Variants in TAPBP observed in about 807,000 individuals in gnomAD.
TAPBP encodes TAP binding protein, also known as tapasin.
Under a neutral mutation model 45.7 loss-of-function variants are expected in TAPBP, and 38 were observed. The ratio of observed to expected loss-of-function variants is 0.83; its 90% confidence interval spans 0.64 to 1.09. The LOEUF is 1.09. Among genes scored for constraint, TAPBP ranks in the 50% least tolerant of loss-of-function variants. The pLI is 0.00. For synonymous variants in TAPBP, 226 were observed against 254.8 expected (o/e 0.89, Z 1.08); for missense variants, 513 against 587.3 (o/e 0.87, Z 1.31).
rs545090229 is a variant in TAPBP, at chr6:33,313,578, T to A, written c.209-101A>T. On this transcript the variant is annotated intron_variant, in intron 2 of 7. Coordinates refer to ENST00000434618, the MANE Select transcript of TAPBP (RefSeq NM_003190.5). This position sits in a 1 kb window ranked among gnomAD's most constrained non-coding sequence, Gnocchi z 7.2. ...TTCAAATGCACAGACTACCCCGTAG[T>A]GAGACTCACTTTACAAAGGGGAAGC... 1.3e-6 allele frequency: 2 copies of A among 1,523,840 alleles called. No homozygotes were observed. The highest frequency in any genetic ancestry group is 2.3e-5 in the East Asian group (1 of 43,532). 94.4% of individuals were successfully genotyped at this position (1,523,840 alleles called of 1,614,324 possible). A position where few individuals can be genotyped will look rare whatever the true frequency, so the allele number is the denominator to read the frequency against.
At chr6:33,308,632 T>A (rs1231892714) in intron 3 of TAPBP, among the ~76,000 whole-genome samples, 1 of 152,166 alleles carries the variant, frequency 6.6e-6, no homozygotes, top group Non-Finnish European at 1.5e-5. Context: ...CTATCAAGCT[T>A]GTCCAACCTC....
At position 33,300,223 on chromosome 6, in the gene TAPBP, G is replaced by C. The variant is rs553661495; in HGVS notation, c.*1537C>G. 3 of 153,222 alleles carry C rather than the reference G, an allele frequency of 2.0e-5. No homozygotes were observed. The highest frequency in any genetic ancestry group is 7.4e-5 in the African/African-American group (3 of 40,796). The allele number at this position is 153,222 out of a possible 1,614,324, so 9.5% of individuals were successfully genotyped here. On this transcript the variant is annotated 3_prime_UTR_variant, in exon 8 of 8. Coordinates refer to ENST00000434618, the MANE Select transcript of TAPBP (RefSeq NM_003190.5). ...GGCAGTGGCTCCAGCGCGGGGCGGT[G>C]GGGGGGACAAGTGAGCCAGGGCAAG...
intron 6 of TAPBP, 35 bp downstream of exon 6, chr6:33,304,093 C>T (rs1347539937): frequency 6.2e-7 from 1 of 1,611,344 alleles, no homozygotes; most frequent in Non-Finnish European, 8.5e-7. Context: ...AGTCCACCAA[C>T]CTCAGGTCAT....
chr6:33,312,352 G>T (rs1769407061), intron 3 of TAPBP, among the ~76,000 whole-genome samples: 1 of 152,102 alleles, frequency 6.6e-6, no homozygotes, highest in African/African-American at 2.4e-5. Context: ...GCAGGGATTG[G>T]TTGGGGTTGC....
intron 7 of TAPBP, among the ~76,000 whole-genome samples, chr6:33,302,132 TTTC>T: frequency 7.1e-6 from 1 of 140,158 alleles, no homozygotes; most frequent in South Asian, 2.2e-4. Context: ...TGCAATTTAT[TTTC>T]TTTTCTTTCT....
chr6:33,302,144 C>CTTT (rs70996762), intron 7 of TAPBP, among the ~76,000 whole-genome samples: 3 of 118,680 alleles, frequency 2.5e-5, no homozygotes, highest in Non-Finnish European at 3.4e-5. Flanking sequence ...TCTTTTCTTT[C>CTTT]TTTTTTTTTT....
At position 33,313,249 on chromosome 6, in the gene TAPBP, T is replaced by C; in HGVS notation, c.437A>G (p.Gln146Arg). Residue 146 changes from glutamine to arginine, a missense_variant, in exon 3 of 8, where the codon CAG becomes CGG. Gln to Arg is a conservative substitution (Grantham distance 43). Coordinates refer to ENST00000434618, the MANE Select transcript of TAPBP (RefSeq NM_003190.5). This position sits in a 1 kb window ranked among gnomAD's most constrained non-coding sequence, Gnocchi z 7.2. ...CATGGTGATGAGAACAGGCTCCTGC[T>C]GAGGCTCTGGCTGTGGTCGCAAGAG... Reference protein sequence around the residue: ...SSLLRPQPEPQQEPVLITMAT... With the variant: ...SSLLRPQPEPRQEPVLITMAT... 6.2e-7 allele frequency: 1 copy of C among 1,614,058 alleles called. No homozygotes were observed. The highest frequency in any genetic ancestry group is 8.5e-7 in the Non-Finnish European group (1 of 1,179,930).
At chr6:33,302,059 T>C (rs1320047067) in intron 7 of TAPBP, among the ~76,000 whole-genome samples, 1 of 152,172 alleles carries the variant, frequency 6.6e-6, no homozygotes. Flanking sequence ...CTAGTCCGAA[T>C]TGAGATGTGC....
chr6:33,301,588 AAG>A lies in TAPBP; in HGVS notation c.*170_*171del, dbSNP rs9280396. ...GACTCCGTCTCAAAAAAAAAAAAAAAAGAAAAATTATCCCTTATATAAGTGAA... is the reference window on the plus strand; with the variant it reads ...GACTCCGTCTCAAAAAAAAAAAAAAAAAAAATTATCCCTTATATAAGTGAA... On this transcript the variant is annotated 3_prime_UTR_variant, in exon 8 of 8. Coordinates refer to ENST00000434618, the MANE Select transcript of TAPBP (RefSeq NM_003190.5). 1.6e-5 allele frequency: 10 copies of A among 636,436 alleles called. No individual in the cohort carries two copies. The highest frequency in any genetic ancestry group is 9.9e-5 in the South Asian group (5 of 50,466). The allele number at this position is 636,436 out of a possible 1,614,324, so 39.4% of individuals were successfully genotyped here.
At chr6:33,302,209 A>C (rs1176839073) in intron 7 of TAPBP, among the ~76,000 whole-genome samples, 1 of 149,512 alleles carries the variant, frequency 6.7e-6, no homozygotes, top group Non-Finnish European at 1.5e-5. Context: ...ACAGTGGGAC[A>C]ACCTTAGCTC....
chr6:33,304,136 C>G lies in TAPBP; in HGVS notation c.1292G>C (p.Gly431Ala), dbSNP rs1262954313. 15 of 1,613,160 alleles carry G rather than the reference C, an allele frequency of 9.3e-6. No homozygotes were observed. Among genetic ancestry groups the G allele is most frequent in the Non-Finnish European group, 1.2e-5 (14 of 1,179,836 alleles). Residue 431 changes from glycine to alanine, a missense_variant, in exon 6 of 8, where the codon GGC becomes GCC. By Grantham distance (60) the Gly-to-Ala change is moderately conservative (BLOSUM62 0). Transcript: ENST00000434618. ...GTAGGGCTGACACTTACCAGCCCAG[C>G]CCAGTGCCTTGAAGAGCCCAAGCAG... ...FLLLGLFKALGWAAVYLSTCK... is the reference protein window; with the variant it reads ...FLLLGLFKALAWAAVYLSTCK...
intron 3 of TAPBP, among the ~76,000 whole-genome samples, chr6:33,311,445 A>G (rs550229297): frequency 6.6e-6 from 1 of 152,196 alleles, no homozygotes; most frequent in South Asian, 2.1e-4. Context: ...CCTTACCAAC[A>G]TGGAGAAACC....
Position 33,301,759 on chromosome 6 carries a change from C to T in TAPBP, c.*1G>A. ...CTTCCACAGGATGGCAGTGAGTGCCCTCACTCTGCTTTCTGGAAGAGAGGA... is the reference window on the plus strand; with the variant it reads ...CTTCCACAGGATGGCAGTGAGTGCCTTCACTCTGCTTTCTGGAAGAGAGGA... On this transcript the variant is annotated 3_prime_UTR_variant, in exon 8 of 8. Coordinates refer to ENST00000434618, the MANE Select transcript of TAPBP (RefSeq NM_003190.5). 1 of 1,614,004 alleles carries T rather than the reference C, an allele frequency of 6.2e-7. No homozygotes were observed. The highest frequency in any genetic ancestry group is 8.5e-7 in the Non-Finnish European group (1 of 1,179,946).
chr6:33,304,696 A>G (rs1006350770), intron 4 of TAPBP, 58 bp from the exon 5 acceptor site: 5 of 1,492,182 alleles, frequency 3.4e-6, no homozygotes, highest in Non-Finnish European at 4.4e-6. Flanking sequence ...CCTCCCTAAG[A>G]GACCCTCAGT....
chr6:33,313,012 T>G lies in TAPBP; in HGVS notation c.469+205A>C, dbSNP rs1183740037. On this transcript the variant is annotated intron_variant, in intron 3 of 7. Transcript: ENST00000434618. This position sits in a 1 kb window ranked among gnomAD's most constrained non-coding sequence, Gnocchi z 7.2. ...CTACCCCCTGCCAAGCTGCAGTTTTTTTTTTGTTTTTTTTTTTTAACTGGG... is the reference window on the plus strand; with the variant it reads ...CTACCCCCTGCCAAGCTGCAGTTTTGTTTTTGTTTTTTTTTTTTAACTGGG... 64 of 474,280 alleles carry G rather than the reference T, an allele frequency of 1.3e-4. No individual in the cohort carries two copies. Among genetic ancestry groups the G allele is most frequent in the African/African-American group, 1.2e-3 (55 of 44,852 alleles). The allele number at this position is 474,280 out of a possible 1,614,324, so 29.4% of individuals were successfully genotyped here. A position where few individuals can be genotyped will look rare whatever the true frequency, so the allele number is the denominator to read the frequency against.
chr6:33,308,787 T>C (rs1417132770), intron 3 of TAPBP, among the ~76,000 whole-genome samples: 3 of 152,106 alleles, frequency 2.0e-5, no homozygotes, highest in Non-Finnish European at 4.4e-5. Flanking sequence ...ATTTTATGCA[T>C]GGCCCAAGAC....
chr6:33,304,521 T>G lies in TAPBP; in HGVS notation c.986A>C (p.Glu329Ala). 6.2e-7 allele frequency: 1 copy of G among 1,612,982 alleles called. No homozygotes were observed. The highest frequency in any genetic ancestry group is 8.5e-7 in the Non-Finnish European group (1 of 1,179,876). The change falls in exon 5 of 8, where the codon GAG becomes GCG. Residue 329 changes from glutamate (E) to alanine (A), a missense_variant. Coordinates refer to ENST00000434618, the MANE Select transcript of TAPBP (RefSeq NM_003190.5). ...CCCTGGGCCACCCCGGAGTTCCCACTCCACCTCCAGGCCCCCAGAAGGGTA... is the reference window on the plus strand; with the variant it reads ...CCCTGGGCCACCCCGGAGTTCCCACGCCACCTCCAGGCCCCCAGAAGGGTA... ...HFYPSGGLEV[E>A]WELRGGPGGR... is the part of the protein sequence containing the mutation.
intron 7 of TAPBP, among the ~76,000 whole-genome samples, chr6:33,302,126 ATTTATTTTC>A (rs1178925623): frequency 6.8e-6 from 1 of 147,122 alleles, no homozygotes; most frequent in African/African-American, 2.6e-5. Flanking sequence ...AAGGGCTGCA[ATTTATTTTC>A]TTTTCTTTCT....
chr6:33,302,066 G>A (rs1768624825), intron 7 of TAPBP, among the ~76,000 whole-genome samples: 2 of 151,886 alleles, frequency 1.3e-5, no homozygotes, highest in Admixed American at 1.3e-4. Flanking sequence ...GAATTGAGAT[G>A]TGCTGACTAT....
Sources: gnomAD v4.1 joint callset for allele counts (sites outside exome capture counted in the v4.1 genomes callset) on GRCh38, gnomAD v4.1.1 for gene constraint, Gnocchi (gnomAD v3.1) non-coding constraint, MANE v1.5 for transcripts, NCBI Gene and HGNC (gene_info 2026-07-23, HGNC 2026-07-21) for gene names.